PABPC4L: variants seen among roughly 807,000 people sequenced by gnomAD.
PABPC4L encodes the protein poly(A) binding protein cytoplasmic 4 like.
For synonymous variants in PABPC4L, 169 were observed against 164.1 expected, an observed-to-expected ratio of 1.03 and a Z score of -0.23; for missense variants, 452 against 451.4, an observed-to-expected ratio of 1.00 and a Z score of -0.01.
At chr4:134,018,752 A>T in the PABPC4L span, among the ~76,000 whole-genome samples, 1 of 152,098 alleles carries the variant, frequency 6.6e-6, no homozygotes, top group East Asian at 1.9e-4. Context: ...TTCTATTCTA[A>T]GAAAAAATTT....
chr4:134,020,531 A>G, the PABPC4L span, among the ~76,000 whole-genome samples: 2 of 152,054 alleles, frequency 1.3e-5, no homozygotes, highest in Non-Finnish European at 2.9e-5. Flanking sequence ...AGGAATGCCA[A>G]CTTTCTGGGG....
chr4:134,026,317 C>T, the PABPC4L span, among the ~76,000 whole-genome samples: 30 of 151,744 alleles, frequency 2.0e-4, 1 homozygote, highest in South Asian at 2.3e-3. Flanking sequence ...CTCGCTGCAA[C>T]ATCCGCCTCC....
At chr4:134,189,226 C>T in the PABPC4L span, among the ~76,000 whole-genome samples, 3 of 152,110 alleles carry the variant, frequency 2.0e-5, no homozygotes, top group South Asian at 4.1e-4. Flanking sequence ...GAGCCCTTAA[C>T]ATATTCACTA....
the PABPC4L span, among the ~76,000 whole-genome samples, chr4:134,185,791 C>G: frequency 6.6e-6 from 1 of 152,176 alleles, no homozygotes; most frequent in South Asian, 2.1e-4. Context: ...AAAACCCCAT[C>G]GTCTCAACCC....
the PABPC4L span, among the ~76,000 whole-genome samples, chr4:133,985,252 A>G: frequency 1.3e-5 from 2 of 151,958 alleles, no homozygotes; most frequent in Non-Finnish European, 2.9e-5. Context: ...AGGTTCCACA[A>G]GGGTAGTAAA....
the PABPC4L span, among the ~76,000 whole-genome samples, chr4:134,176,411 G>A: frequency 6.6e-6 from 1 of 152,252 alleles, no homozygotes; most frequent in East Asian, 1.9e-4. Context: ...AGCCCTCTGA[G>A]AGGATTGCTT....
chr4:134,023,634 G>A, the PABPC4L span, among the ~76,000 whole-genome samples: 2 of 151,914 alleles, frequency 1.3e-5, no homozygotes, highest in East Asian at 3.9e-4. Context: ...AAAAAAGCCA[G>A]TATTATGAAT....
the PABPC4L span, among the ~76,000 whole-genome samples, chr4:134,038,651 T>A: frequency 6.6e-6 from 1 of 152,180 alleles, no homozygotes; most frequent in South Asian, 2.1e-4. Context: ...TGTATTTTTG[T>A]GGGATCGGTG....
At chr4:133,952,012 T>C in the PABPC4L span, among the ~76,000 whole-genome samples, 5 of 152,168 alleles carry the variant, frequency 3.3e-5, no homozygotes, top group Non-Finnish European at 5.9e-5. Flanking sequence ...CTTCTTTTTC[T>C]ACAAATTGCA....
At chr4:134,002,997 C>T in the PABPC4L span, among the ~76,000 whole-genome samples, 2 of 151,832 alleles carry the variant, frequency 1.3e-5, no homozygotes, top group African/African-American at 4.8e-5. Context: ...AGTAAAATTA[C>T]CCTAAATCAC....
At chr4:134,083,052 T>A in the PABPC4L span, among the ~76,000 whole-genome samples, 1 of 152,326 alleles carries the variant, frequency 6.6e-6, no homozygotes, top group African/African-American at 2.4e-5. Context: ...AGCAGTAGAA[T>A]TGACTTGATT....
the PABPC4L span, among the ~76,000 whole-genome samples, chr4:134,190,608 T>C: frequency 6.6e-6 from 1 of 152,138 alleles, no homozygotes; most frequent in East Asian, 1.9e-4. Context: ...CTCATAAGTT[T>C]GGATAGTTTA....
the PABPC4L span, among the ~76,000 whole-genome samples, chr4:134,009,462 T>G: frequency 6.6e-6 from 1 of 151,994 alleles, no homozygotes; most frequent in South Asian, 2.1e-4. Flanking sequence ...AGCCAATAAT[T>G]GTTACATTGA....
the PABPC4L span, among the ~76,000 whole-genome samples, chr4:133,998,225 T>A: frequency 6.6e-6 from 1 of 151,932 alleles, no homozygotes; most frequent in Non-Finnish European, 1.5e-5. Flanking sequence ...AAGGCTATAA[T>A]GATGGTCTAT....
the PABPC4L span, among the ~76,000 whole-genome samples, chr4:134,045,751 C>T: frequency 6.6e-6 from 1 of 152,228 alleles, no homozygotes; most frequent in South Asian, 2.1e-4. Flanking sequence ...ACTCCCTTCA[C>T]CAATAATTTT....
At chr4:134,047,256 G>A in the PABPC4L span, among the ~76,000 whole-genome samples, 1 of 152,130 alleles carries the variant, frequency 6.6e-6, no homozygotes, top group African/African-American at 2.4e-5. Context: ...AGAGTCCTTG[G>A]TTCAATGTAA....
the PABPC4L span, among the ~76,000 whole-genome samples, chr4:134,164,034 C>G: frequency 6.6e-6 from 1 of 151,454 alleles, no homozygotes; most frequent in East Asian, 2.0e-4. Flanking sequence ...GAGGCCGAGG[C>G]GGGCGGATCA....
the PABPC4L span, among the ~76,000 whole-genome samples, chr4:134,113,043 AT>A: frequency 6.6e-6 from 1 of 151,980 alleles, no homozygotes; most frequent in African/African-American, 2.4e-5. Flanking sequence ...AAATTGAAAA[AT>A]TTAAAAATGG....
the PABPC4L span, among the ~76,000 whole-genome samples, chr4:134,071,520 T>A: frequency 2.6e-5 from 4 of 152,230 alleles, no homozygotes; most frequent in Non-Finnish European, 5.9e-5. Context: ...AATAGATTTC[T>A]ATGAGTGATC....
Sources: allele counts gnomAD v4.1 joint callset (sites outside exome capture counted in the v4.1 genomes callset), GRCh38; gene constraint gnomAD v4.1.1; transcripts MANE v1.5; gene names NCBI Gene and HGNC (gene_info 2026-07-23, HGNC 2026-07-21).